CAMTA1: variants seen among roughly 807,000 people sequenced by gnomAD.
CAMTA1 encodes the protein calmodulin-binding transcription activator 1.
Under a neutral mutation model 170.9 loss-of-function variants are expected in CAMTA1, and 27 were observed. The ratio of observed to expected loss-of-function variants is 0.16; its 90% CI spans 0.12 to 0.22. CAMTA1 has a LOEUF of 0.22. Ranked by LOEUF, CAMTA1 falls within the 10% of genes least tolerant of loss-of-function variation. The probability of loss-of-function intolerance (pLI) is 1.00; values close to 1 mark genes in which losing one functional copy is unlikely to be tolerated. For missense variants in CAMTA1, 1,619 were observed against 2,217.2 expected (o/e 0.73, Z 5.42); for synonymous variants, 833 against 891.5 (o/e 0.93, Z 1.17).
intron 5 of CAMTA1, among the ~76,000 whole-genome samples, chr1:7,270,615 A>G (rs749932154): frequency 2.6e-5 from 4 of 152,162 alleles, no homozygotes; most frequent in Non-Finnish European, 5.9e-5. Flanking sequence ...TATTAAAGGA[A>G]GTTCTTCAGG....
At position 7,237,846 on chromosome 1, in the gene CAMTA1, A is replaced by G. The variant is rs143332753; in HGVS notation, c.303-11645A>G. ...CCTCATTGTTACTCCCCACAGGGGA[A>G]CCCTACAAAAAGAGGACAAGTCTGT... is the stretch of plus-strand genomic sequence containing the variant. On this transcript the variant is annotated intron_variant, in intron 4 of 22. Coordinates refer to ENST00000303635, the MANE Select transcript of CAMTA1 (RefSeq NM_015215.4). Among the ~76,000 whole-genome samples, 20 of 152,364 alleles carry G rather than the reference A, an allele frequency of 1.3e-4. No homozygotes were observed. In the East Asian group the frequency reaches 3.9e-3, roughly 29 times the overall value.
At chr1:6,946,187 T>TC (rs1687544132) in intron 3 of CAMTA1, among the ~76,000 whole-genome samples, 1 of 116,848 alleles carries the variant, frequency 8.6e-6, no homozygotes, top group Admixed American at 9.3e-5. Flanking sequence ...TTCTTTCTCT[T>TC]CTTTTTTTTT....
At chr1:6,879,607 T>A (rs1001675456) in intron 3 of CAMTA1, among the ~76,000 whole-genome samples, 3 of 133,816 alleles carry the variant, frequency 2.2e-5, no homozygotes, top group Non-Finnish European at 5.0e-5. Context: ...CTTCTTTTCC[T>A]TTTTTCTTTT....
rs187514014 is a variant in CAMTA1 at position 7,565,283 on chromosome 1, C to T, written c.511-75117C>T. On this transcript the variant is annotated intron_variant, in intron 6 of 22. Coordinates refer to ENST00000303635, the MANE Select transcript of CAMTA1 (RefSeq NM_015215.4). The surrounding 1 kb of genome is among the most constrained non-coding windows in gnomAD (Gnocchi z 4.5). ...TAAAGGGCTGGAGAAGTGGGCGCTG[C>T]CTTTGGGGCCCACGGGCCTATGGGG... 6.6e-6 allele frequency among the ~76,000 whole-genome samples: 1 copy of T among 152,242 alleles called. No individual in the cohort carries two copies. The highest frequency in any genetic ancestry group is 1.9e-4 in the East Asian group (1 of 5,170).
At chr1:7,132,328 A>G (rs1192827765) in intron 4 of CAMTA1, among the ~76,000 whole-genome samples, 1 of 152,104 alleles carries the variant, frequency 6.6e-6, no homozygotes, top group African/African-American at 2.4e-5. Context: ...GCTGGAGTGC[A>G]GTGGTGTGTG....
At chr1:7,230,235 A>G (rs1345445711) in intron 4 of CAMTA1, among the ~76,000 whole-genome samples, 1 of 152,074 alleles carries the variant, frequency 6.6e-6, no homozygotes, top group Non-Finnish European at 1.5e-5. Flanking sequence ...CGCCCTCCTG[A>G]AAAACTAAAG....
intron 5 of CAMTA1, among the ~76,000 whole-genome samples, chr1:7,428,744 C>T (rs990203909): frequency 1.3e-5 from 2 of 152,096 alleles, no homozygotes; most frequent in African/African-American, 4.8e-5. Context: ...CACCCCACCA[C>T]CCCTGTGCCT....
intron 6 of CAMTA1, among the ~76,000 whole-genome samples, chr1:7,478,646 C>T (rs1409635904): frequency 1.3e-5 from 2 of 152,224 alleles, no homozygotes; most frequent in East Asian, 3.8e-4. Context: ...CGTGTGCTGT[C>T]AGCTTGGCTA....
At chr1:7,503,801 G>A (rs2094051152) in intron 6 of CAMTA1, among the ~76,000 whole-genome samples, 1 of 152,212 alleles carries the variant, frequency 6.6e-6, no homozygotes, top group African/African-American at 2.4e-5. Flanking sequence ...ATGCCCACTC[G>A]GATGCTGTGC....
At chr1:7,087,485 G>A (rs1054576398) in intron 3 of CAMTA1, among the ~76,000 whole-genome samples, 2 of 152,184 alleles carry the variant, frequency 1.3e-5, no homozygotes, top group African/African-American at 2.4e-5. Flanking sequence ...TGGGTCAGTG[G>A]GGAGCAGGGA....
intron 4 of CAMTA1, among the ~76,000 whole-genome samples, chr1:7,135,280 T>G (rs1000907151): frequency 1.3e-5 from 2 of 151,922 alleles, no homozygotes; most frequent in Admixed American, 1.3e-4. Context: ...CCCAGCTACT[T>G]AGGAGGCTGA....
intron 3 of CAMTA1, among the ~76,000 whole-genome samples, chr1:6,902,082 A>C (rs1012078828): frequency 5.6e-5 from 7 of 124,376 alleles, no homozygotes; most frequent in Admixed American, 7.6e-5. Context: ...CAAAAAAAAA[A>C]ATAAAAATAA....
intron 3 of CAMTA1, among the ~76,000 whole-genome samples, chr1:6,914,756 C>T (rs918992698): frequency 3.3e-5 from 5 of 152,202 alleles, no homozygotes; most frequent in East Asian, 1.9e-4. Context: ...TGGGCTGAGG[C>T]GCTCATGTGG....
chr1:7,450,073 C>T (rs2092786550), intron 5 of CAMTA1, among the ~76,000 whole-genome samples: 2 of 152,146 alleles, frequency 1.3e-5, no homozygotes, highest in Non-Finnish European at 2.9e-5. Flanking sequence ...ACCAGCCAGC[C>T]CAGCAGGGAT....
chr1:7,535,592 A>G (rs1355673554), intron 6 of CAMTA1, among the ~76,000 whole-genome samples: 1 of 152,186 alleles, frequency 6.6e-6, no homozygotes, highest in African/African-American at 2.4e-5. Context: ...TGGGTGCAGG[A>G]CTGGAGACGA....
chr1:7,336,706 C>A (rs1417388880), intron 5 of CAMTA1, among the ~76,000 whole-genome samples: 1 of 152,200 alleles, frequency 6.6e-6, no homozygotes, highest in Non-Finnish European at 1.5e-5. Flanking sequence ...AGGAACCTGG[C>A]AGGAGGCCTT....
rs941160925 is a variant in CAMTA1 at position 7,574,645 on chromosome 1, A to G, written c.511-65755A>G. On this transcript the variant is annotated intron_variant, in intron 6 of 22. Transcript: ENST00000303635. Reference sequence around the variant, plus strand: ...GTTTATTTAGCTTCCTCTCGACGCGATGCAGAGAGGTCCGCCTGGCCAGCT... The same window carrying G: ...GTTTATTTAGCTTCCTCTCGACGCGGTGCAGAGAGGTCCGCCTGGCCAGCT... Among the ~76,000 whole-genome samples, 7 of 152,286 alleles carry G rather than the reference A, an allele frequency of 4.6e-5. No homozygotes were observed. The South Asian group carries it at 1.0e-3, about 23-fold the overall frequency.
At chr1:7,335,158 T>TGGG (rs1557537637) in intron 5 of CAMTA1, among the ~76,000 whole-genome samples, 7 of 29,428 alleles carry the variant, frequency 2.4e-4, no homozygotes, top group South Asian at 1.3e-3. Flanking sequence ...GGGGGGGGGG[T>TGGG]GGGGGTGGGG....
Position 7,743,085 on chromosome 1 carries a change from T to C in CAMTA1, c.4183-1750T>C, listed in dbSNP as rs1252414533. On this transcript the variant is annotated intron_variant, in intron 16 of 22. Coordinates refer to ENST00000303635, the MANE Select transcript of CAMTA1 (RefSeq NM_015215.4). ...CCAGGCTGGGCTTGAACTCCTGAGC[T>C]CAGGCGATCCACCCGCCTCGGCCTC... 4.6e-5 allele frequency among the ~76,000 whole-genome samples: 7 copies of C among 152,170 alleles called. No individual in the cohort carries two copies. The East Asian group carries it at 9.6e-4, about 21-fold the overall frequency.
Sources: allele counts gnomAD v4.1 joint callset (sites outside exome capture counted in the v4.1 genomes callset), GRCh38; gene constraint gnomAD v4.1.1; non-coding constraint Gnocchi (gnomAD v3.1); transcripts MANE v1.5; gene names NCBI Gene and HGNC (gene_info 2026-07-23, HGNC 2026-07-21).